Variants in GLUD1 observed in about 807,000 individuals in gnomAD.
GLUD1 encodes the protein glutamate dehydrogenase 1.
GLUD1 carries 22 observed loss-of-function variants against 56.0 expected under a neutral mutation model. That is an observed-to-expected ratio of 0.39 (90% CI 0.28 to 0.56). GLUD1 has a LOEUF of 0.56. Among genes scored for constraint, GLUD1 ranks in the 20% least tolerant of loss-of-function variants. GLUD1 has a pLI of 0.58. For synonymous variants in GLUD1, 223 were observed against 269.9 expected, an observed-to-expected ratio of 0.83 and a Z score of 1.70; for missense variants, 451 against 732.0, an observed-to-expected ratio of 0.62 and a Z score of 4.43.
chr10:87,050,571 TGTTAGA>T lies in GLUD1; in HGVS notation c.*1174_*1179del, dbSNP rs917955632. The T allele has an allele frequency of 6.0e-5, 9 of 151,148 alleles. No individual in the cohort carries two copies. The highest frequency in any genetic ancestry group is 1.0e-4 in the Non-Finnish European group (7 of 67,838). The allele number at this position is 151,148 out of a possible 1,614,324, so 9.4% of individuals were successfully genotyped here. A position where few individuals can be genotyped will look rare whatever the true frequency, so the allele number is the denominator to read the frequency against. ...AAAGTAGTTAGAAATTTCTGAAGGG[TGTTAGA>T]GTTAAAAAAAAAAAAAAAGCTGACT... On this transcript the variant is annotated 3_prime_UTR_variant, in exon 13 of 13. Coordinates refer to ENST00000277865, the MANE Select transcript of GLUD1 (RefSeq NM_005271.5).
chr10:87,094,158 C>T lies in GLUD1; in HGVS notation c.445+167G>A. 2.1e-6 allele frequency: 3 copies of T among 1,410,062 alleles called. No homozygotes were observed. Among genetic ancestry groups the T allele is most frequent in the South Asian group, 2.8e-5 (2 of 71,352 alleles). 87.3% of individuals were successfully genotyped at this position (1,410,062 alleles called of 1,614,324 possible). A position where few individuals can be genotyped will look rare whatever the true frequency, so the allele number is the denominator to read the frequency against. ...TGATGATTTTAAGGCGGAAAAATCA[C>T]CATCCACAGAGCCGGCCACATCCGA... On this transcript the variant is annotated intron_variant, in intron 1 of 12. Coordinates refer to ENST00000277865, the MANE Select transcript of GLUD1 (RefSeq NM_005271.5). The surrounding 1 kb of genome is among the most constrained non-coding windows in gnomAD (Gnocchi z 6.6).
chr10:87,089,217 A>G (rs1271052322), intron 1 of GLUD1, among the ~76,000 whole-genome samples: 4 of 152,210 alleles, frequency 2.6e-5, no homozygotes, highest in Non-Finnish European at 5.9e-5. Context: ...CAGCGCTTAC[A>G]ATTAAAAGCC....
chr10:87,078,363 T>A (rs1042132318), intron 1 of GLUD1, among the ~76,000 whole-genome samples: 1 of 152,224 alleles, frequency 6.6e-6, no homozygotes, highest in African/African-American at 2.4e-5. Context: ...CCTTGACCAC[T>A]GTATTTAAAA....
At chr10:87,079,219 C>A in intron 1 of GLUD1, among the ~76,000 whole-genome samples, 1 of 144,230 alleles carries the variant, frequency 6.9e-6, no homozygotes, top group African/African-American at 2.6e-5. Context: ...ATAAAGCCCA[C>A]AGAAAAGGGA....
intron 1 of GLUD1, among the ~76,000 whole-genome samples, chr10:87,084,708 ACT>A (rs1197547686): frequency 6.6e-6 from 1 of 152,244 alleles, no homozygotes; most frequent in Non-Finnish European, 1.5e-5. Flanking sequence ...TTCCAGCTGC[ACT>A]CTCTCACTTT....
In GLUD1 at chr10:87,050,471, G is replaced by T. The variant is rs1845603509; in HGVS notation, c.*1280C>A. ...AGAAACTACCACATGTAAAAACACA[G>T]AAAAGAAACGTAAGTTTTGGAAAAC... is the stretch of plus-strand genomic sequence containing the variant. On this transcript the variant is annotated 3_prime_UTR_variant, in exon 13 of 13. Transcript: ENST00000277865. 6.6e-6 allele frequency: 1 copy of T among 151,310 alleles called. No individual in the cohort carries two copies. The allele number at this position is 151,310 out of a possible 1,614,324, so 9.4% of individuals were successfully genotyped here.
chr10:87,093,624 G>A (rs1376563787), intron 1 of GLUD1, among the ~76,000 whole-genome samples: 1 of 152,158 alleles, frequency 6.6e-6, no homozygotes, highest in South Asian at 2.1e-4. Flanking sequence ...CTGGCCATCC[G>A]CAGCCTACAA....
intron 1 of GLUD1, among the ~76,000 whole-genome samples, chr10:87,090,425 G>C (rs769059096): frequency 6.6e-6 from 1 of 152,146 alleles, no homozygotes; most frequent in Non-Finnish European, 1.5e-5. Context: ...CTTCCTGCAC[G>C]TGGGGCTTTA....
intron 1 of GLUD1, among the ~76,000 whole-genome samples, chr10:87,092,826 A>G (rs1341633541): frequency 6.6e-6 from 1 of 152,216 alleles, no homozygotes; most frequent in African/African-American, 2.4e-5. Flanking sequence ...TTTGCTAAAC[A>G]TTGCCTGAAC....
Position 87,094,032 on chromosome 10 carries a change from C to T in GLUD1, c.445+293G>A. On this transcript the variant is annotated intron_variant, in intron 1 of 12. Coordinates refer to ENST00000277865, the MANE Select transcript of GLUD1 (RefSeq NM_005271.5). The surrounding 1 kb of genome is among the most constrained non-coding windows in gnomAD (Gnocchi z 6.6). ...GACCCGCCGTGTGTGACACAGACAC[C>T]GGGACCAAAAGGAGACCGGTGCAGC... The T allele has an allele frequency of 6.7e-7, 1 of 1,490,372 alleles. No individual in the cohort carries two copies. Among genetic ancestry groups the T allele is most frequent in the South Asian group, 1.2e-5 (1 of 82,852 alleles). The allele number at this position is 1,490,372 out of a possible 1,614,324, so 92.3% of individuals were successfully genotyped here.
At chr10:87,089,755 T>A in intron 1 of GLUD1, 1 of 969,368 alleles carries the variant, frequency 1.0e-6, no homozygotes, top group Non-Finnish European at 1.2e-6. Flanking sequence ...TCCGACTTGA[T>A]AGTGAACACT....
rs1459472457 is a variant in GLUD1, at chr10:87,050,549, G to A, written c.*1202C>T. On this transcript the variant is annotated 3_prime_UTR_variant, in exon 13 of 13. Transcript: ENST00000277865. ...CCAGGTTAAGCCATGCAGTTACAAA[G>A]TAGTTAGAAATTTCTGAAGGGTGTT... The A allele has an allele frequency of 6.6e-6, 1 of 150,632 alleles. No homozygotes were observed. Among genetic ancestry groups the A allele is most frequent in the East Asian group, 1.9e-4 (1 of 5,134 alleles). 9.3% of individuals were successfully genotyped at this position (150,632 alleles called of 1,614,324 possible). A position where few individuals can be genotyped will look rare whatever the true frequency, so the allele number is the denominator to read the frequency against.
chr10:87,082,513 A>C (rs1841285987), intron 1 of GLUD1, among the ~76,000 whole-genome samples: 1 of 152,242 alleles, frequency 6.6e-6, no homozygotes, highest in Non-Finnish European at 1.5e-5. Context: ...GGTTTAGTGA[A>C]TGGAAGCACA....
chr10:87,061,244 G>T, intron 6 of GLUD1, 192 bp from the exon 7 acceptor site: 1 of 705,648 alleles, frequency 1.4e-6, no homozygotes, highest in Non-Finnish European at 2.6e-6. Context: ...TGTGATGAGC[G>T]GGCATGGTGG....
At chr10:87,086,554 T>C (rs1439791078) in intron 1 of GLUD1, among the ~76,000 whole-genome samples, 1 of 152,020 alleles carries the variant, frequency 6.6e-6, no homozygotes, top group Non-Finnish European at 1.5e-5. Flanking sequence ...CCTGGCGCGG[T>C]GGCTCACGCC....
chr10:87,074,502 A>T lies in GLUD1; in HGVS notation c.646+49T>A, dbSNP rs778012148. ...GACTCCGTCTCAAAAAAAAAAAAAA[A>T]TTTTTAGATGTTCCCACTTTATACC... On this transcript the variant is annotated intron_variant, in intron 4 of 12. Coordinates refer to ENST00000277865, the MANE Select transcript of GLUD1 (RefSeq NM_005271.5). 2.2e-4 allele frequency: 235 copies of T among 1,065,038 alleles called. No individual in the cohort carries two copies. The East Asian group carries it at 3.1e-3, about 14-fold the overall frequency. The allele number at this position is 1,065,038 out of a possible 1,614,324, so 66.0% of individuals were successfully genotyped here. A position where few individuals can be genotyped will look rare whatever the true frequency, so the allele number is the denominator to read the frequency against.
intron 6 of GLUD1, 49 bp downstream of exon 6, chr10:87,062,607 C>T (rs1195587737): frequency 7.7e-7 from 1 of 1,295,892 alleles, no homozygotes; most frequent in Non-Finnish European, 1.1e-6. Flanking sequence ...GAAAACTTTA[C>T]TTAATGTCTA....
chr10:87,055,654 G>A (rs1175664309), intron 11 of GLUD1, among the ~76,000 whole-genome samples: 2 of 152,152 alleles, frequency 1.3e-5, no homozygotes, highest in East Asian at 3.8e-4. Context: ...CAGATAAAAG[G>A]ACCAGAACAA....
Position 87,094,289 on chromosome 10 carries a change from G to A in GLUD1, c.445+36C>T. 1 of 1,566,192 alleles carries A rather than the reference G, an allele frequency of 6.4e-7. No homozygotes were observed. Among genetic ancestry groups the A allele is most frequent in the South Asian group, 1.2e-5 (1 of 86,608 alleles). ...GCCGGAGGGGAGGGCCGCAGGGGAG[G>A]CAGGGAGGGCGGGACGGGGCCCGGC... On this transcript the variant is annotated intron_variant, in intron 1 of 12. Transcript: ENST00000277865. This position sits in a 1 kb window ranked among gnomAD's most constrained non-coding sequence, Gnocchi z 6.6.
Sources: allele counts gnomAD v4.1 joint callset (sites outside exome capture counted in the v4.1 genomes callset), GRCh38; gene constraint gnomAD v4.1.1; non-coding constraint Gnocchi (gnomAD v3.1); transcripts MANE v1.5; gene names NCBI Gene and HGNC (gene_info 2026-07-23, HGNC 2026-07-21).